Variants in SARDH observed in about 807,000 individuals in gnomAD.
SARDH encodes the protein sarcosine dehydrogenase.
Under a neutral mutation model 109.1 loss-of-function variants are expected in SARDH, and 95 were observed. That is an observed-to-expected ratio of 0.87 (90% confidence interval 0.74 to 1.03). The LOEUF (loss-of-function observed/expected upper bound fraction) is 1.03, where lower values mean the gene tolerates loss of function less well. Ranked by LOEUF, SARDH falls within the 50% of genes least tolerant of loss-of-function variation. The pLI, the probability that SARDH is intolerant of heterozygous loss-of-function variation, is 0.00. For synonymous variants in SARDH, 572 were observed against 534.8 expected, an observed-to-expected ratio of 1.07 and a Z score of -0.96; for missense variants, 1,267 against 1,287.8, an observed-to-expected ratio of 0.98 and a Z score of 0.25.
chr9:133,704,858 CACGGAGGG>C lies in SARDH; in HGVS notation c.1554+82_1554+89del, dbSNP rs1831628629. 8.9e-6 allele frequency: 10 copies of C among 1,128,066 alleles called. No individual in the cohort carries two copies. Among genetic ancestry groups the C allele is most frequent in the Admixed American group, 4.1e-5 (2 of 48,898 alleles). 69.9% of individuals were successfully genotyped at this position (1,128,066 alleles called of 1,614,324 possible). On this transcript the variant is annotated intron_variant, in intron 12 of 20. Transcript: ENST00000439388. The surrounding 1 kb of genome is among the most constrained non-coding windows in gnomAD (Gnocchi z 4.5). ...TGGAACCACCTGGGGAGGCGGGGCA[CACGGAGGG>C]GCAAGGACGGGGCACGTGGAGGGGC...
chr9:133,690,467 G>A lies in SARDH; in HGVS notation c.1982C>T (p.Thr661Ile), dbSNP rs765995193. The A allele has an allele frequency of 1.2e-6, 2 of 1,612,330 alleles. No homozygotes were observed. Among genetic ancestry groups the A allele is most frequent in the Admixed American group, 1.7e-5 (1 of 60,026 alleles). Reference sequence around the variant, plus strand: ...GGACTTCTGGTCCTGCAGCACGGTGGTGATGTGGGACCAGTTGTGCTGGGC... The same window carrying A: ...GGACTTCTGGTCCTGCAGCACGGTGATGATGTGGGACCAGTTGTGCTGGGC... ...AVAQHNWSHI[T>I]TVLQDQKSQC... is the part of the protein sequence containing the mutation. Residue 661 changes from threonine (T) to isoleucine (I), a missense_variant, in exon 16 of 21, where the codon ACC (threonine) becomes ATC (isoleucine). Coordinates refer to ENST00000439388, the MANE Select transcript of SARDH (RefSeq NM_001134707.2).
At chr9:133,724,607 A>C (rs542752967) in intron 6 of SARDH, among the ~76,000 whole-genome samples, 6 of 152,374 alleles carry the variant, frequency 3.9e-5, no homozygotes, top group African/African-American at 1.2e-4. Flanking sequence ...ATAGTCCGAC[A>C]GTTCGTTGAA....
At chr9:133,730,308 G>A (rs1832632833) in intron 4 of SARDH, 121 bp from the exon 5 acceptor site, 1 of 1,321,740 alleles carries the variant, frequency 7.6e-7, no homozygotes, top group Non-Finnish European at 1.0e-6. Context: ...GCCAGCAGCA[G>A]GTCCCCTGCG....
intron 1 of SARDH, among the ~76,000 whole-genome samples, 197 bp from the exon 2 acceptor site, chr9:133,734,400 TTCATTCACTCATTCATTCATTCATTCAC>T (rs1564304141): frequency 6.1e-5 from 8 of 131,860 alleles, no homozygotes; most frequent in African/African-American, 1.3e-4. Flanking sequence ...CATTCACTCA[TTCATTCACTCATTCATTCATTCATTCAC>T]TCATTCATTC....
Position 133,703,008 on chromosome 9 carries a change from C to G in SARDH, c.1576G>C (p.Gly526Arg), listed in dbSNP as rs148314623. ...PAPVLEYDYY[G>R]AYGSRAHEDY... ...TCGTGCGCGCGGCTCCCGTAAGCCC[C>G]GTAGTAGTCGTACTCGAGGACCTGG... Residue 526 changes from glycine to arginine, a missense_variant, in exon 13 of 21, where the codon GGG becomes CGG. By Grantham distance (125) the Gly-to-Arg change is moderately radical (BLOSUM62 -2). Transcript: ENST00000439388. 6 of 1,613,350 alleles carry G rather than the reference C, an allele frequency of 3.7e-6. No individual in the cohort carries two copies. The highest frequency in any genetic ancestry group is 2.2e-5 in the East Asian group (1 of 44,872).
intron 17 of SARDH, among the ~76,000 whole-genome samples, chr9:133,678,664 C>T (rs888000169): frequency 3.9e-5 from 6 of 152,186 alleles, no homozygotes; most frequent in Admixed American, 1.3e-4. Context: ...CAGCTGGCCT[C>T]GCCAGCCTCC....
chr9:133,714,829 G>A (rs898773717), intron 8 of SARDH, among the ~76,000 whole-genome samples: 1 of 152,166 alleles, frequency 6.6e-6, no homozygotes, highest in Admixed American at 6.5e-5. Flanking sequence ...ATGGCCCAGG[G>A]AGCACCTTGG....
chr9:133,736,163 C>G (rs558666780), intron 1 of SARDH, among the ~76,000 whole-genome samples: 1 of 152,336 alleles, frequency 6.6e-6, no homozygotes, highest in African/African-American at 2.4e-5. Flanking sequence ...CCTCTCTTTC[C>G]ACCCACTTAT....
chr9:133,663,061 G>T (rs1829937829), downstream of SARDH, among the ~76,000 whole-genome samples: 1 of 152,210 alleles, frequency 6.6e-6, no homozygotes, highest in Non-Finnish European at 1.5e-5. Context: ...AGGAGGGCAT[G>T]GGCAGGAACC....
At chr9:133,689,240 T>C (rs1364394935) in intron 16 of SARDH, among the ~76,000 whole-genome samples, 2 of 133,250 alleles carry the variant, frequency 1.5e-5, no homozygotes, top group Non-Finnish European at 3.2e-5. Context: ...GCTGCCACCA[T>C]CATTTTCCAG....
At chr9:133,699,517 A>G (rs7024662) in intron 13 of SARDH, among the ~76,000 whole-genome samples, 1,637 of 152,212 alleles carry the variant, frequency 0.011, 33 homozygotes, top group African/African-American at 0.038. Flanking sequence ...AAATAATAAT[A>G]ATAATAATAA....
rs551568292 is a variant in SARDH, at chr9:133,686,932, G to A, written c.2070-1646C>T. On this transcript the variant is annotated intron_variant, in intron 16 of 20. Coordinates refer to ENST00000439388, the MANE Select transcript of SARDH (RefSeq NM_001134707.2). This position sits in a 1 kb window ranked among gnomAD's most constrained non-coding sequence, Gnocchi z 4.0. ...CTCTCTGCAGCCTTGAGTGGCAGCC[G>A]CACGGAAGGGACCCTGGGGCAGAAG... Among the ~76,000 whole-genome samples, 51 of 152,238 alleles carry A rather than the reference G, an allele frequency of 3.4e-4. No homozygotes were observed. The highest frequency in any genetic ancestry group is 1.0e-3 in the South Asian group (5 of 4,818).
chr9:133,710,553 A>T (rs1831879459), intron 10 of SARDH, among the ~76,000 whole-genome samples: 1 of 152,230 alleles, frequency 6.6e-6, no homozygotes, highest in African/African-American at 2.4e-5. Context: ...CTCTGGCCTG[A>T]GGGGAGCAAC....
At chr9:133,732,390 C>A in intron 3 of SARDH, 33 bp downstream of exon 3, 2 of 1,477,032 alleles carry the variant, frequency 1.4e-6, no homozygotes, top group Non-Finnish European at 1.9e-6. Flanking sequence ...CCACCCAAGC[C>A]CCCCTCCTTG....
In SARDH at chr9:133,663,789, G is replaced by A. The variant is rs1829960948; in HGVS notation, c.*100C>T. Reference sequence around the variant, plus strand: ...CTAGGCCTAGGCTAAGGACAGGGAGGGCACAAGTTCTGGCTGGGTCCAGGG... The same window carrying A: ...CTAGGCCTAGGCTAAGGACAGGGAGAGCACAAGTTCTGGCTGGGTCCAGGG... On this transcript the variant is annotated 3_prime_UTR_variant, in exon 21 of 21. Coordinates refer to ENST00000439388, the MANE Select transcript of SARDH (RefSeq NM_001134707.2). The A allele has an allele frequency of 2.0e-6, 3 of 1,520,076 alleles. No individual in the cohort carries two copies. The highest frequency in any genetic ancestry group is 3.7e-5 in the Admixed American group (2 of 54,306). 94.2% of individuals were successfully genotyped at this position (1,520,076 alleles called of 1,614,324 possible).
Position 133,670,467 on chromosome 9 carries a change from G to C in SARDH, c.2495+117C>G, listed in dbSNP as rs576244681. On this transcript the variant is annotated intron_variant, in intron 19 of 20. Coordinates refer to ENST00000439388, the MANE Select transcript of SARDH (RefSeq NM_001134707.2). ...TGTTGGGTGCGTTCTGGAAGAGCAT[G>C]GCTGGCACATGGGAAGTGTTGGTAC... is the stretch of plus-strand genomic sequence containing the variant. 7 of 1,160,388 alleles carry C rather than the reference G, an allele frequency of 6.0e-6. No homozygotes were observed. The Admixed American group carries it at 1.8e-4, about 29-fold the overall frequency. The allele number at this position is 1,160,388 out of a possible 1,614,324, so 71.9% of individuals were successfully genotyped here.
At chr9:133,684,849 T>C (rs551743491) in intron 17 of SARDH, among the ~76,000 whole-genome samples, 1 of 152,322 alleles carries the variant, frequency 6.6e-6, no homozygotes, top group Non-Finnish European at 1.5e-5. Flanking sequence ...AGGAGGTCAC[T>C]TGGCCTCGGG....
At chr9:133,697,810 A>G (rs1232166103) in intron 13 of SARDH, among the ~76,000 whole-genome samples, 2 of 152,088 alleles carry the variant, frequency 1.3e-5, no homozygotes, top group African/African-American at 4.8e-5. Context: ...TGCAAACATT[A>G]TACTTCATGA....
intron 12 of SARDH, among the ~76,000 whole-genome samples, chr9:133,703,881 C>A (rs572212645): frequency 6.6e-6 from 1 of 152,316 alleles, no homozygotes; most frequent in Admixed American, 6.5e-5. Flanking sequence ...CCACCCACTG[C>A]AGCCCTGCCA....
Sources: gnomAD v4.1 joint callset for allele counts (sites outside exome capture counted in the v4.1 genomes callset) on GRCh38, gnomAD v4.1.1 for gene constraint, Gnocchi (gnomAD v3.1) non-coding constraint, MANE v1.5 for transcripts, NCBI Gene and HGNC (gene_info 2026-07-23, HGNC 2026-07-21) for gene names.